The following CSMD3 variants were observed in gnomAD, a reference collection of about 807,000 sequenced individuals.
CSMD3 encodes CUB and sushi domain-containing protein 3.
Under a neutral mutation model 435.2 loss-of-function variants are expected in CSMD3, and 177 were observed. The ratio of observed to expected loss-of-function variants is 0.41; its 90% CI spans 0.36 to 0.46. The LOEUF is 0.46. Among genes scored for constraint, CSMD3 ranks in the 20% least tolerant of loss-of-function variants. The pLI is 0.34. For synonymous variants in CSMD3, 1,656 were observed against 1,520.5 expected, an observed-to-expected ratio of 1.09 and a Z score of -2.07; for missense variants, 4,265 against 4,504.6, an observed-to-expected ratio of 0.95 and a Z score of 1.52.
intron 20 of CSMD3, among the ~76,000 whole-genome samples, chr8:112,644,548 AT>A (rs2074925440): frequency 6.6e-6 from 1 of 152,062 alleles, no homozygotes; most frequent in Non-Finnish European, 1.5e-5. Flanking sequence ...GTAAAAGGAC[AT>A]TTATTAACAT....
intron 31 of CSMD3, among the ~76,000 whole-genome samples, chr8:112,488,404 C>T (rs151165712): frequency 9.9e-5 from 15 of 152,148 alleles, no homozygotes; most frequent in Non-Finnish European, 1.9e-4. Flanking sequence ...TAAGAAAAAG[C>T]GAAATGTAGT....
chr8:112,850,283 C>T (rs1353906281), intron 11 of CSMD3, among the ~76,000 whole-genome samples: 1 of 152,030 alleles, frequency 6.6e-6, no homozygotes, highest in Admixed American at 6.5e-5. Flanking sequence ...TAATAATTGG[C>T]TCTTTGAAAA....
chr8:113,436,053 T>A (rs1385881085), intron 1 of CSMD3, among the ~76,000 whole-genome samples: 2 of 152,124 alleles, frequency 1.3e-5, no homozygotes, highest in African/African-American at 4.8e-5. Flanking sequence ...CTTCATGGCA[T>A]TTCAGACCCT....
At chr8:112,638,951 C>G (rs1381038798) in intron 20 of CSMD3, 40 bp from the exon 21 acceptor site, 1 of 1,322,528 alleles carries the variant, frequency 7.6e-7, no homozygotes, top group East Asian at 2.3e-5. Context: ...ACAGGTAGAT[C>G]AGTAAAACAC....
chr8:112,460,191 C>T (rs1438265440), intron 32 of CSMD3, among the ~76,000 whole-genome samples: 2 of 152,110 alleles, frequency 1.3e-5, no homozygotes, highest in South Asian at 2.1e-4. Context: ...TTTACATAAC[C>T]TGAACATTCA....
chr8:112,887,589 A>T (rs1406724638), intron 10 of CSMD3, among the ~76,000 whole-genome samples: 1 of 151,542 alleles, frequency 6.6e-6, no homozygotes, highest in Non-Finnish European at 1.5e-5. Flanking sequence ...GTCCTTTAAG[A>T]GCAAAGTTTT....
At chr8:112,506,926 G>A (rs1822593391) in intron 28 of CSMD3, 97 bp from the exon 29 acceptor site, 3 of 1,089,936 alleles carry the variant, frequency 2.8e-6, no homozygotes, top group Middle Eastern at 2.6e-4. Flanking sequence ...GAGCTTATGA[G>A]GCTTTGTACA....
intron 1 of CSMD3, among the ~76,000 whole-genome samples, chr8:113,372,697 G>A (rs2094353512): frequency 6.6e-6 from 1 of 152,142 alleles, no homozygotes; most frequent in African/African-American, 2.4e-5. Flanking sequence ...ACTTTGGGAG[G>A]CCGAGGCGGG....
At chr8:113,338,844 G>A (rs2094096855) in intron 1 of CSMD3, among the ~76,000 whole-genome samples, 1 of 151,822 alleles carries the variant, frequency 6.6e-6, no homozygotes, top group Non-Finnish European at 1.5e-5. Context: ...TACTGAATTT[G>A]GACCTGGTTG....
At chr8:113,099,073 G>T (rs1335081245) in intron 4 of CSMD3, 110 bp from the exon 5 acceptor site, 4 of 736,304 alleles carry the variant, frequency 5.4e-6, no homozygotes, top group Middle Eastern at 2.3e-4. Context: ...GTTCAAATGT[G>T]ATACCAAGTG....
chr8:112,835,080 TTAA>T (rs1014479219), intron 11 of CSMD3, among the ~76,000 whole-genome samples: 9 of 151,850 alleles, frequency 5.9e-5, no homozygotes, highest in African/African-American at 2.2e-4. Flanking sequence ...ATTAAAACAT[TTAA>T]TCTACTAATG....
chr8:113,301,768 G>A lies in CSMD3; in HGVS notation c.401+12803C>T, dbSNP rs1352980932. Among the ~76,000 whole-genome samples, 3 of 151,778 alleles carry A rather than the reference G, an allele frequency of 2.0e-5. No individual in the cohort carries two copies. In the East Asian group the frequency reaches 5.8e-4, roughly 29 times the overall value. ...TAAATTTAATTATTTTTCTGTATGG[G>A]TTCAGTATCTTTTAAATAACTTTAT... is the stretch of plus-strand genomic sequence containing the variant. On this transcript the variant is annotated intron_variant, in intron 2 of 70. Transcript: ENST00000297405.
chr8:113,116,708 G>A (rs747678568), intron 4 of CSMD3, among the ~76,000 whole-genome samples: 5 of 152,166 alleles, frequency 3.3e-5, no homozygotes, highest in Non-Finnish European at 7.4e-5. Flanking sequence ...CAGAAAACAG[G>A]AAGATGTTGG....
intron 20 of CSMD3, 58 bp from the exon 21 acceptor site, chr8:112,638,969 T>C (rs964700541): frequency 1.7e-5 from 21 of 1,213,970 alleles, no homozygotes; most frequent in Non-Finnish European, 2.4e-5. Flanking sequence ...CACAGAGAGT[T>C]ACTGTCAAAC....
At chr8:112,831,830 A>AT (rs2079884832) in intron 11 of CSMD3, among the ~76,000 whole-genome samples, 1 of 152,012 alleles carries the variant, frequency 6.6e-6, no homozygotes, top group Non-Finnish European at 1.5e-5. Context: ...TTTTATTTTT[A>AT]TTTTTTGCCC....
At chr8:112,787,644 A>T (rs1220518019) in intron 13 of CSMD3, among the ~76,000 whole-genome samples, 1 of 152,156 alleles carries the variant, frequency 6.6e-6, no homozygotes, top group African/African-American at 2.4e-5. Flanking sequence ...AACAACATAG[A>T]TGGAACTGGA....
At chr8:112,865,417 G>T (rs2080949892) in intron 10 of CSMD3, among the ~76,000 whole-genome samples, 1 of 151,938 alleles carries the variant, frequency 6.6e-6, no homozygotes, top group South Asian at 2.1e-4. Context: ...TTTCCTTCTT[G>T]AATTTTTCCA....
intron 63 of CSMD3, among the ~76,000 whole-genome samples, chr8:112,253,406 T>G (rs1815464615): frequency 1.3e-5 from 2 of 151,986 alleles, no homozygotes; most frequent in South Asian, 4.1e-4. Flanking sequence ...GTTCATACTG[T>G]GCCTGAACTG....
intron 1 of CSMD3, among the ~76,000 whole-genome samples, chr8:113,349,086 A>G (rs1211721062): frequency 6.6e-6 from 1 of 152,066 alleles, no homozygotes; most frequent in Non-Finnish European, 1.5e-5. Flanking sequence ...TTTTATATGT[A>G]TATACCATCC....
Sources: gnomAD v4.1 joint callset for allele counts (sites outside exome capture counted in the v4.1 genomes callset) on GRCh38, gnomAD v4.1.1 for gene constraint, MANE v1.5 for transcripts, NCBI Gene and HGNC (gene_info 2026-07-23, HGNC 2026-07-21) for gene names.